The following NAA15 variants were observed in gnomAD, a reference collection of about 807,000 sequenced individuals.
NAA15 encodes N-alpha-acetyltransferase 15, NatA auxiliary subunit, also known as N-terminal acetyltransferase.
NAA15 carries 34 observed loss-of-function variants against 114.0 expected under a neutral mutation model. The observed-to-expected ratio is 0.30, with a 90% CI of 0.23 to 0.40. NAA15 has a LOEUF of 0.40. Ranked by LOEUF, NAA15 falls within the 10% of genes least tolerant of loss-of-function variation. NAA15 has a pLI of 1.00. For missense variants in NAA15, 658 were observed against 1,004.5 expected (o/e 0.66, Z 4.66); for synonymous variants, 340 against 338.0 (o/e 1.01, Z -0.06).
chr4:139,355,247 AT>A lies in NAA15; in HGVS notation c.1087+1159del, dbSNP rs977344936. Reference sequence around the variant, plus strand: ...CATTTCCAGTTATGTTATAAATGCCATTTTTTTTTTGCCTTTCCTTTTTTGA... The same window carrying A: ...CATTTCCAGTTATGTTATAAATGCCATTTTTTTTTGCCTTTCCTTTTTTGA... On this transcript the variant is annotated intron_variant, in intron 10 of 19. Transcript: ENST00000296543. 1.3e-4 allele frequency among the ~76,000 whole-genome samples: 19 copies of A among 147,954 alleles called. 1 individual carries two copies. The highest frequency in any genetic ancestry group is 1.7e-4 in the African/African-American group (7 of 40,522).
At chr4:139,379,218 G>A (rs116810545) in intron 17 of NAA15, 1 of 160,066 alleles carries the variant, frequency 6.2e-6, no homozygotes, top group African/African-American at 2.4e-5. Flanking sequence ...TTATTTATCT[G>A]TATTGTAGAT....
At chr4:139,379,033 G>C in intron 17 of NAA15, 179 bp downstream of exon 17, 1 of 428,250 alleles carries the variant, frequency 2.3e-6, no homozygotes, top group Non-Finnish European at 4.1e-6. Flanking sequence ...AAGGATACAA[G>C]TATTACCTGA....
intron 1 of NAA15, among the ~76,000 whole-genome samples, chr4:139,318,071 G>T (rs1473615207): frequency 6.6e-6 from 1 of 152,168 alleles, no homozygotes; most frequent in African/African-American, 2.4e-5. Context: ...TTGCTTGCTA[G>T]TAAGACCATA....
intron 11 of NAA15, among the ~76,000 whole-genome samples, chr4:139,359,249 C>T (rs183401341): frequency 0.011 from 1,629 of 152,212 alleles, 34 homozygotes; most frequent in African/African-American, 0.037. Context: ...CTGCCTCAGC[C>T]TTCCAAGTAG....
intron 14 of NAA15, among the ~76,000 whole-genome samples, chr4:139,368,305 G>A (rs1195099619): frequency 6.6e-6 from 1 of 152,198 alleles, no homozygotes; most frequent in African/African-American, 2.4e-5. Context: ...GGCTGGGCAC[G>A]GTGGTTCATG....
intron 1 of NAA15, among the ~76,000 whole-genome samples, chr4:139,312,680 T>TA (rs200679804): frequency 0.011 from 1,624 of 151,640 alleles, 45 homozygotes; most frequent in African/African-American, 0.037. Context: ...TCTGTCTCTG[T>TA]AAAAAATGAA....
rs58350208 is a variant in NAA15 at position 139,315,050 on chromosome 4, G to GTTTA, written c.54+13219_54+13220insTTTA. On this transcript the variant is annotated intron_variant, in intron 1 of 19. Transcript: ENST00000296543. ...GGTTAGGTTAGGTTAGGTTAGGTTA[G>GTTTA]GTTAGTTTAGTTTAGTTTAGTTTAG... is the stretch of plus-strand genomic sequence containing the variant. Among the ~76,000 whole-genome samples the GTTTA allele has an allele frequency of 7.3e-3, 624 of 85,998 alleles. 41 individuals are homozygous for GTTTA. The highest frequency in any genetic ancestry group is 0.029 in the African/African-American group (517 of 17,844). 56.4% of individuals were successfully genotyped at this position (85,998 alleles called of 152,430 possible). A position where few individuals can be genotyped will look rare whatever the true frequency, so the allele number is the denominator to read the frequency against.
chr4:139,385,148 G>A (rs1408974616), intron 18 of NAA15, among the ~76,000 whole-genome samples, 170 bp downstream of exon 18: 1 of 150,984 alleles, frequency 6.6e-6, no homozygotes, highest in Non-Finnish European at 1.5e-5. Flanking sequence ...TGGGCACAGT[G>A]GCACATACCG....
chr4:139,315,349 A>G (rs1486563450), intron 1 of NAA15, among the ~76,000 whole-genome samples: 1 of 151,796 alleles, frequency 6.6e-6, no homozygotes, highest in African/African-American at 2.4e-5. Context: ...GCAAAACCCT[A>G]TGTGTACAAA....
intron 14 of NAA15, among the ~76,000 whole-genome samples, chr4:139,363,790 C>A (rs1748202547): frequency 6.6e-6 from 1 of 152,186 alleles, no homozygotes; most frequent in African/African-American, 2.4e-5. Flanking sequence ...TTTTATTTTA[C>A]ATTATTGCCA....
chr4:139,355,049 T>C (rs868728118), intron 10 of NAA15, among the ~76,000 whole-genome samples: 1 of 151,920 alleles, frequency 6.6e-6, no homozygotes, highest in Non-Finnish European at 1.5e-5. Context: ...AATTTTTGTA[T>C]TTTTGGTAGA....
At chr4:139,335,515 G>A (rs1381388358) in intron 2 of NAA15, among the ~76,000 whole-genome samples, 2 of 151,308 alleles carry the variant, frequency 1.3e-5, no homozygotes, top group African/African-American at 4.9e-5. Context: ...ACAGGCGTGT[G>A]CCACCATGCC....
At position 139,357,492 on chromosome 4, in the gene NAA15, T is replaced by C; in HGVS notation, c.1194T>C (p.Asn398=). 1 of 1,612,648 alleles carries C rather than the reference T, an allele frequency of 6.2e-7. No homozygotes were observed. Among genetic ancestry groups the C allele is most frequent in the Non-Finnish European group, 8.5e-7 (1 of 1,178,720 alleles). Residue 398 remains asparagine (N), a synonymous_variant, in exon 11 of 20, where the codon AAT becomes AAC. Transcript: ENST00000296543. ...CATCTATTGCTTTGGAGTACATAAA[T>C]ACTGCTATTGAAAGTACACCTACAT... The part of the protein sequence containing the change: ...GQPSIALEYI[N]TAIESTPTLI...
chr4:139,352,163 T>C (rs1747799598), intron 9 of NAA15, among the ~76,000 whole-genome samples: 1 of 152,032 alleles, frequency 6.6e-6, no homozygotes, highest in Non-Finnish European at 1.5e-5. Flanking sequence ...AGCTGGAGTG[T>C]AGTGGCATGA....
intron 1 of NAA15, among the ~76,000 whole-genome samples, chr4:139,333,319 C>G (rs1272789374): frequency 6.6e-6 from 1 of 152,108 alleles, no homozygotes; most frequent in African/African-American, 2.4e-5. Flanking sequence ...TATTTGTCTT[C>G]TAGATTTCAA....
chr4:139,365,276 G>A (rs374258097), intron 14 of NAA15, among the ~76,000 whole-genome samples: 4 of 152,080 alleles, frequency 2.6e-5, no homozygotes, highest in Admixed American at 2.6e-4. Context: ...GACCTCAGGT[G>A]ATCCACCCAC....
chr4:139,367,588 G>A (rs369368503), intron 14 of NAA15, among the ~76,000 whole-genome samples: 2 of 152,160 alleles, frequency 1.3e-5, no homozygotes, highest in East Asian at 1.9e-4. Context: ...TTTATTGTTT[G>A]AGAGAATCTG....
At chr4:139,383,801 C>G (rs903319382) in intron 17 of NAA15, among the ~76,000 whole-genome samples, 1 of 152,092 alleles carries the variant, frequency 6.6e-6, no homozygotes, top group Non-Finnish European at 1.5e-5. Flanking sequence ...CTTTGGTGGT[C>G]CTTGGGAGTT....
intron 14 of NAA15, among the ~76,000 whole-genome samples, chr4:139,365,061 G>A (rs1334850384): frequency 2.0e-5 from 3 of 152,002 alleles, no homozygotes; most frequent in Non-Finnish European, 4.4e-5. Flanking sequence ...TTTTGAGATG[G>A]AGTTTCGCTC....
Sources: allele counts gnomAD v4.1 joint callset (sites outside exome capture counted in the v4.1 genomes callset), GRCh38; gene constraint gnomAD v4.1.1; transcripts MANE v1.5; gene names NCBI Gene and HGNC (gene_info 2026-07-23, HGNC 2026-07-21).